The following NFIB variants were observed in gnomAD, a reference collection of about 807,000 sequenced individuals.
The protein encoded by NFIB is nuclear factor 1 B-type.
Under a neutral mutation model 61.5 loss-of-function variants are expected in NFIB, and 11 were observed. The ratio of observed to expected loss-of-function variants is 0.18; its 90% CI spans 0.11 to 0.30. The LOEUF (loss-of-function observed/expected upper bound fraction) is 0.30, where lower values mean the gene tolerates loss of function less well. NFIB is among the 10% of genes least tolerant of loss of function. The probability of loss-of-function intolerance (pLI) is 1.00; values close to 1 mark genes in which losing one functional copy is unlikely to be tolerated. For missense variants in NFIB, 471 were observed against 608.9 expected, an observed-to-expected ratio of 0.77 and a Z score of 2.38; for synonymous variants, 260 against 216.5, an observed-to-expected ratio of 1.20 and a Z score of -1.76.
chr9:14,431,665 T>A, the NFIB span, among the ~76,000 whole-genome samples: 1 of 151,616 alleles, frequency 6.6e-6, no homozygotes, highest in Admixed American at 6.6e-5. Flanking sequence ...AGAGCTTAGA[T>A]AACTTGCCCA....
chr9:14,368,249 T>C (rs2061324177), intron 1 of NFIB, among the ~76,000 whole-genome samples: 1 of 151,018 alleles, frequency 6.6e-6, no homozygotes, highest in Admixed American at 6.6e-5. Context: ...GTTGAGGGAA[T>C]GAAGAGGAAG....
chr9:14,372,647 C>T (rs909857122), intron 1 of NFIB, among the ~76,000 whole-genome samples: 27 of 152,204 alleles, frequency 1.8e-4, no homozygotes, highest in African/African-American at 4.6e-4. Context: ...AGGCTCTGGG[C>T]GGTTTTACTG....
At chr9:14,292,400 C>G (rs986913713) in intron 2 of NFIB, among the ~76,000 whole-genome samples, 1 of 152,090 alleles carries the variant, frequency 6.6e-6, no homozygotes, top group South Asian at 2.1e-4. Flanking sequence ...AAGTGTTACT[C>G]AAGAGTCAGG....
At chr9:14,184,799 T>G (rs1485241871) in intron 2 of NFIB, among the ~76,000 whole-genome samples, 1 of 152,142 alleles carries the variant, frequency 6.6e-6, no homozygotes, top group East Asian at 1.9e-4. Context: ...GGCAGGCAGA[T>G]TACTTGAGGC....
chr9:14,310,111 A>G (rs2060212248), intron 1 of NFIB, among the ~76,000 whole-genome samples: 1 of 152,232 alleles, frequency 6.6e-6, no homozygotes, highest in Non-Finnish European at 1.5e-5. Context: ...CACACAAGAA[A>G]GCTCAAAATT....
chr9:14,516,749 C>T, the NFIB span, among the ~76,000 whole-genome samples: 3 of 152,080 alleles, frequency 2.0e-5, no homozygotes, highest in Non-Finnish European at 4.4e-5. Flanking sequence ...AAGCTCTTGC[C>T]CTTAATCCTT....
intron 1 of NFIB, among the ~76,000 whole-genome samples, chr9:14,348,807 C>T (rs963306070): frequency 6.6e-6 from 1 of 152,250 alleles, no homozygotes; most frequent in African/African-American, 2.4e-5. Flanking sequence ...CCCCTGTGCT[C>T]TGTGCTGGGC....
chr9:14,304,590 G>T (rs1161295609), intron 2 of NFIB, among the ~76,000 whole-genome samples: 4 of 152,170 alleles, frequency 2.6e-5, no homozygotes, highest in African/African-American at 9.7e-5. Context: ...AGTGGGGAGA[G>T]AGAAAAAGGG....
chr9:14,084,497 A>G lies in NFIB; in HGVS notation c.*3812T>C. The G allele has an allele frequency of 4.4e-6, 1 of 225,378 alleles. No homozygotes were observed. Among genetic ancestry groups the G allele is most frequent in the East Asian group, 6.4e-5 (1 of 15,576 alleles). The allele number at this position is 225,378 out of a possible 1,614,324, so 14.0% of individuals were successfully genotyped here. A position where few individuals can be genotyped will look rare whatever the true frequency, so the allele number is the denominator to read the frequency against. On this transcript the variant is annotated 3_prime_UTR_variant, in exon 11 of 11. Transcript: ENST00000380953. ...AGATTTTTGCCATGTCTTTATGTAC[A>G]GTCTCCTTCACTGCCTTTTATTTTT...
chr9:14,256,797 T>C (rs1192326617), intron 2 of NFIB, among the ~76,000 whole-genome samples: 1 of 152,038 alleles, frequency 6.6e-6, no homozygotes, highest in Non-Finnish European at 1.5e-5. Context: ...GTTCCAGAGG[T>C]CCTCTGCAGA....
chr9:14,165,871 G>C (rs1587220431), intron 3 of NFIB, among the ~76,000 whole-genome samples: 1 of 152,152 alleles, frequency 6.6e-6, no homozygotes, highest in Non-Finnish European at 1.5e-5. Flanking sequence ...ATGGAGAGCT[G>C]TTATTTAACA....
chr9:14,506,361 C>T, the NFIB span, among the ~76,000 whole-genome samples: 34 of 152,136 alleles, frequency 2.2e-4, no homozygotes, highest in South Asian at 4.2e-4. Flanking sequence ...CTCGGGAGGA[C>T]GGAAAGATTT....
intron 1 of NFIB, among the ~76,000 whole-genome samples, chr9:14,360,803 C>A (rs375611260): frequency 6.6e-6 from 1 of 151,976 alleles, no homozygotes; most frequent in Non-Finnish European, 1.5e-5. Context: ...CTGGGCCTCC[C>A]AAAGCCTGGG....
rs957798414 is a variant in NFIB at position 14,224,198 on chromosome 9, T to C, written c.563-44418A>G. 4.6e-5 allele frequency among the ~76,000 whole-genome samples: 7 copies of C among 152,326 alleles called. No homozygotes were observed. The South Asian group carries it at 1.0e-3, about 23-fold the overall frequency. ...AATACACAAAAAGGTGGAAAACAAG[T>C]GATAGGCTACACAGAAAATTGTGCC... On this transcript the variant is annotated intron_variant, in intron 2 of 10. Transcript: ENST00000380953.
the NFIB span, among the ~76,000 whole-genome samples, chr9:14,478,210 A>C: frequency 3.3e-5 from 5 of 152,160 alleles, no homozygotes; most frequent in Non-Finnish European, 7.4e-5. Context: ...CAGACTTCCT[A>C]CTAGGAAGCA....
chr9:14,425,141 A>G, the NFIB span, among the ~76,000 whole-genome samples: 3 of 152,348 alleles, frequency 2.0e-5, no homozygotes, highest in African/African-American at 7.2e-5. Context: ...AGGCTTCTCT[A>G]TGGCGTGGCT....
chr9:14,371,243 C>T (rs1391183044), intron 1 of NFIB, among the ~76,000 whole-genome samples: 1 of 152,214 alleles, frequency 6.6e-6, no homozygotes, highest in East Asian at 1.9e-4. Flanking sequence ...ATATCTTTTC[C>T]ATCATTATAT....
At chr9:14,371,135 A>AAACC (rs1228535447) in intron 1 of NFIB, among the ~76,000 whole-genome samples, 1 of 150,958 alleles carries the variant, frequency 6.6e-6, no homozygotes, top group Non-Finnish European at 1.5e-5. Flanking sequence ...ACAAACAAAC[A>AAACC]AACAAAAACA....
At chr9:14,257,625 G>A (rs762993729) in intron 2 of NFIB, among the ~76,000 whole-genome samples, 4 of 151,998 alleles carry the variant, frequency 2.6e-5, no homozygotes, top group African/African-American at 9.7e-5. Flanking sequence ...GCATGGTTGC[G>A]GGCACCTGTA....
Sources: gnomAD v4.1 joint callset for allele counts (sites outside exome capture counted in the v4.1 genomes callset) on GRCh38, gnomAD v4.1.1 for gene constraint, MANE v1.5 for transcripts, NCBI Gene and HGNC (gene_info 2026-07-23, HGNC 2026-07-21) for gene names.